The following CTNNA2 variants were observed in gnomAD, a reference collection of about 807,000 sequenced individuals.
CTNNA2 encodes the protein catenin alpha 2.
In CTNNA2, 42 loss-of-function variants were observed where a neutral mutation model predicts 101.0. The observed-to-expected ratio is 0.42, with a 90% CI of 0.32 to 0.54. The LOEUF (loss-of-function observed/expected upper bound fraction) is 0.54, where lower values mean the gene tolerates loss of function less well. Among genes scored for constraint, CTNNA2 ranks in the 20% least tolerant of loss-of-function variants. The pLI, the probability that CTNNA2 is intolerant of heterozygous loss-of-function variation, is 0.14. For synonymous variants in CTNNA2, 450 were observed against 456.4 expected (o/e 0.99, Z 0.18); for missense variants, 871 against 1,223.1 (o/e 0.71, Z 4.29).
intron 2 of CTNNA2, among the ~76,000 whole-genome samples, chr2:79,279,868 C>A (rs1247305058): frequency 6.6e-6 from 1 of 152,006 alleles, no homozygotes; most frequent in Non-Finnish European, 1.5e-5. Context: ...TCCTGTTAGC[C>A]CATCTCCCCA....
intron 7 of CTNNA2, chr2:80,328,254 C>T: frequency 2.1e-6 from 1 of 470,686 alleles, no homozygotes; most frequent in Non-Finnish European, 4.4e-6. Context: ...ATGATCAGTT[C>T]CTCATTAAAG....
chr2:79,819,918 T>C (rs1227281377), intron 3 of CTNNA2, among the ~76,000 whole-genome samples: 1 of 152,000 alleles, frequency 6.6e-6, no homozygotes, highest in Non-Finnish European at 1.5e-5. Context: ...AACTATTATA[T>C]ATTCATAATA....
At chr2:79,455,454 G>T (rs1670810235) in intron 4 of CTNNA2, among the ~76,000 whole-genome samples, 1 of 152,066 alleles carries the variant, frequency 6.6e-6, no homozygotes, top group Non-Finnish European at 1.5e-5. Context: ...TCCCTGTCAG[G>T]CCACCCTCTC....
intron 1 of CTNNA2, among the ~76,000 whole-genome samples, chr2:79,553,334 T>G (rs1490933633): frequency 6.6e-6 from 1 of 152,186 alleles, no homozygotes; most frequent in Admixed American, 6.5e-5. Context: ...CATCTTCCTG[T>G]CTTCTTCTGA....
At chr2:79,342,058 T>C (rs1677150500) in intron 3 of CTNNA2, among the ~76,000 whole-genome samples, 1 of 152,188 alleles carries the variant, frequency 6.6e-6, no homozygotes, top group South Asian at 2.1e-4. Context: ...TTTTTAGTCA[T>C]AAACTGGGGC....
intron 2 of CTNNA2, among the ~76,000 whole-genome samples, chr2:79,725,545 A>C (rs887508313): frequency 1.3e-5 from 2 of 152,236 alleles, no homozygotes; most frequent in African/African-American, 4.8e-5. Context: ...TAAAGGGATA[A>C]CATAAAGCTT....
chr2:80,571,800 G>A (rs1225309944), intron 12 of CTNNA2, among the ~76,000 whole-genome samples: 3 of 152,052 alleles, frequency 2.0e-5, no homozygotes, highest in African/African-American at 7.2e-5. Context: ...TTCCTGAGTT[G>A]GAGGATTCAG....
chr2:79,349,672 A>G (rs543532386), intron 3 of CTNNA2, among the ~76,000 whole-genome samples: 85 of 152,336 alleles, frequency 5.6e-4, no homozygotes, highest in Middle Eastern at 3.4e-3. Flanking sequence ...GAAGAATAGC[A>G]TGAGTTTGAC....
In CTNNA2 at chr2:79,399,356, C is replaced by A. The variant is rs536496870; in HGVS notation, c.-135+25343C>A. 1.1e-3 allele frequency among the ~76,000 whole-genome samples: 166 copies of A among 152,176 alleles called. 1 individual carries two copies. The highest frequency in any genetic ancestry group is 3.7e-3 in the African/African-American group (155 of 41,518). On this transcript the variant is annotated intron_variant, in intron 4 of 21. Coordinates refer to the CTNNA2 transcript ENST00000466387. ...ATATCAGGTAAGATTTGAGTAGACA[C>A]TAAGCTCTCATTGCTATCAGACCTT...
rs966538718 is a variant in CTNNA2 at position 80,289,906 on chromosome 2, C to G, written c.1057-103305C>G. ...TGAAGGACTTAATTCACAGCAGTGA[C>G]CAAGAGCAGGAATTTAAATCCCTGT... On this transcript the variant is annotated intron_variant, in intron 7 of 18. Transcript: ENST00000402739. Among the ~76,000 whole-genome samples, 7 of 152,132 alleles carry G rather than the reference C, an allele frequency of 4.6e-5. No individual in the cohort carries two copies. In the South Asian group the frequency reaches 6.2e-4, roughly 14 times the overall value.
At chr2:79,312,199 A>G (rs1183377373) in intron 2 of CTNNA2, among the ~76,000 whole-genome samples, 1 of 152,202 alleles carries the variant, frequency 6.6e-6, no homozygotes, top group Non-Finnish European at 1.5e-5. Context: ...ATGAGCTACT[A>G]TGCCTGACCT....
intron 2 of CTNNA2, among the ~76,000 whole-genome samples, chr2:79,292,822 G>A (rs1675860248): frequency 6.6e-6 from 1 of 152,230 alleles, no homozygotes; most frequent in East Asian, 1.9e-4. Context: ...CTTCTCCTTA[G>A]TTCTTTTGGA....
chr2:80,138,968 T>C (rs1702847084), intron 7 of CTNNA2, among the ~76,000 whole-genome samples: 1 of 152,182 alleles, frequency 6.6e-6, no homozygotes, highest in African/African-American at 2.4e-5. Flanking sequence ...CCATGTTGAC[T>C]ATATGGTGAT....
In CTNNA2 at chr2:80,087,159, G is replaced by C. The variant is rs142165047; in HGVS notation, c.1056+177362G>C. Among the ~76,000 whole-genome samples, 317 of 152,130 alleles carry C rather than the reference G, an allele frequency of 2.1e-3. 2 individuals are homozygous for C. Among genetic ancestry groups the C allele is most frequent in the African/African-American group, 7.2e-3 (300 of 41,520 alleles). ...GAACAGTGGGAAGGCATTTCACAGT[G>C]AGTCAGCAATTATAGCCTTGCAAAT... On this transcript the variant is annotated intron_variant, in intron 7 of 18. Coordinates refer to ENST00000402739, the MANE Select transcript of CTNNA2 (RefSeq NM_001282597.3).
intron 7 of CTNNA2, among the ~76,000 whole-genome samples, chr2:80,367,031 G>A (rs1338465999): frequency 2.1e-5 from 3 of 145,510 alleles, no homozygotes; most frequent in African/African-American, 7.7e-5. Context: ...TTGAGTTTCT[G>A]ATTAGTCTTT....
At chr2:79,834,526 T>C (rs921721914) in intron 3 of CTNNA2, among the ~76,000 whole-genome samples, 4 of 152,104 alleles carry the variant, frequency 2.6e-5, no homozygotes, top group Admixed American at 6.5e-5. Flanking sequence ...TTTCATATCT[T>C]TATTAGTCAT....
At position 79,373,316 on chromosome 2, in the gene CTNNA2, G is replaced by A. The variant is rs180871193; in HGVS notation, c.-317-515G>A. ...ATGCAATGTGCAGACAAATAAACACGTAAATGAATAAGTAAAATATTTTTA... is the reference window on the plus strand; with the variant it reads ...ATGCAATGTGCAGACAAATAAACACATAAATGAATAAGTAAAATATTTTTA... On this transcript the variant is annotated intron_variant, in intron 3 of 21. Coordinates refer to the CTNNA2 transcript ENST00000466387. 1.4e-4 allele frequency among the ~76,000 whole-genome samples: 22 copies of A among 152,174 alleles called. No homozygotes were observed. The East Asian group carries it at 2.5e-3, about 17-fold the overall frequency.
In CTNNA2 at chr2:80,075,274, G is replaced by A. The variant is rs1008264029; in HGVS notation, c.1056+165477G>A. 7.2e-5 allele frequency among the ~76,000 whole-genome samples: 11 copies of A among 151,978 alleles called. 1 individual carries two copies. Among genetic ancestry groups the A allele is most frequent in the African/African-American group, 2.4e-4 (10 of 41,374 alleles). On this transcript the variant is annotated intron_variant, in intron 7 of 18. Coordinates refer to ENST00000402739, the MANE Select transcript of CTNNA2 (RefSeq NM_001282597.3). ...CCATCTAAGATGTTAGGGCAAAGTG[G>A]CTTTTGATATACACTCTATCTCAGC...
intron 11 of CTNNA2, 129 bp from the exon 12 acceptor site, chr2:80,555,564 A>G: frequency 2.1e-6 from 1 of 469,056 alleles, no homozygotes; most frequent in Non-Finnish European, 3.7e-6. Context: ...CTTTACATAC[A>G]ATTTTAGTAT....
Sources: gnomAD v4.1 joint callset for allele counts (sites outside exome capture counted in the v4.1 genomes callset) on GRCh38, gnomAD v4.1.1 for gene constraint, MANE v1.5 for transcripts, NCBI Gene and HGNC (gene_info 2026-07-23, HGNC 2026-07-21) for gene names.